Variants in CNIH3 observed in about 807,000 individuals in gnomAD.
The protein encoded by CNIH3 is cornichon family AMPA receptor auxiliary protein 3, also known as protein cornichon homolog 3.
In CNIH3, 14 loss-of-function variants were observed where a neutral mutation model predicts 24.1. The ratio of observed to expected loss-of-function variants is 0.58; its 90% CI spans 0.38 to 0.91. The LOEUF (loss-of-function observed/expected upper bound fraction) is 0.91. Among genes scored for constraint, CNIH3 ranks in the 40% least tolerant of loss-of-function variants. The pLI, the probability that CNIH3 is intolerant of heterozygous loss-of-function variation, is 0.00. For missense variants in CNIH3, 178 were observed against 196.8 expected, an observed-to-expected ratio of 0.90 and a Z score of 0.57; for synonymous variants, 68 against 73.8, an observed-to-expected ratio of 0.92 and a Z score of 0.40.
chr1:224,568,941 C>T (rs916670686), intron 4 of CNIH3, among the ~76,000 whole-genome samples: 28 of 152,050 alleles, frequency 1.8e-4, no homozygotes, highest in African/African-American at 4.1e-4. Flanking sequence ...GGAGCGATCT[C>T]GGCTCACTGC....
At chr1:224,545,524 G>A (rs915952862) in intron 2 of CNIH3, among the ~76,000 whole-genome samples, 1 of 152,198 alleles carries the variant, frequency 6.6e-6, no homozygotes, top group Non-Finnish European at 1.5e-5. Context: ...GAACATGCAA[G>A]TCTGTGTGTC....
intron 1 of CNIH3, among the ~76,000 whole-genome samples, chr1:224,489,711 T>G (rs1677168041): frequency 6.6e-6 from 1 of 152,206 alleles, no homozygotes; most frequent in Non-Finnish European, 1.5e-5. Context: ...TGGGCTGCTG[T>G]AACAAAACAC....
intron 1 of CNIH3, among the ~76,000 whole-genome samples, chr1:224,455,085 C>G (rs1438676611): frequency 6.6e-6 from 1 of 152,156 alleles, no homozygotes; most frequent in African/African-American, 2.4e-5. Context: ...CTTAAACGTG[C>G]TCAGAACACT....
At chr1:224,550,376 A>G (rs7541415) in intron 3 of CNIH3, among the ~76,000 whole-genome samples, 39,885 of 152,158 alleles carry the variant, frequency 0.26, 6,276 homozygotes, top group African/African-American at 0.44. Context: ...TATTATAGAA[A>G]TATCAGAGCG....
intron 3 of CNIH3, 190 bp from the exon 4 acceptor site, chr1:224,730,272 G>A (rs1333614319): frequency 5.4e-6 from 3 of 557,640 alleles, no homozygotes; most frequent in Non-Finnish European, 9.6e-6. Flanking sequence ...AATAAAAAGA[G>A]GAGTGCCATA....
At chr1:224,633,711 C>G (rs953839455) in intron 1 of CNIH3, among the ~76,000 whole-genome samples, 3 of 152,104 alleles carry the variant, frequency 2.0e-5, no homozygotes, top group Non-Finnish European at 2.9e-5. Context: ...TTTAATCTCT[C>G]CAGTGGAAGG....
Position 224,616,691 on chromosome 1 carries a change from A to C in CNIH3, c.-484A>C. On this transcript the variant is annotated 5_prime_UTR_variant, in exon 1 of 6. Coordinates refer to ENST00000272133, the MANE Select transcript of CNIH3 (RefSeq NM_152495.2). ...CCGCTCGGGCACCTCGCTGGACACTATCCGTTTGCGCCCCGGTGGCGCGGG... is the reference window on the plus strand; with the variant it reads ...CCGCTCGGGCACCTCGCTGGACACTCTCCGTTTGCGCCCCGGTGGCGCGGG... 2 of 991,620 alleles carry C rather than the reference A, an allele frequency of 2.0e-6. No homozygotes were observed. Among genetic ancestry groups the C allele is most frequent in the Non-Finnish European group, 2.4e-6 (2 of 834,252 alleles). The allele number at this position is 991,620 out of a possible 1,614,324, so 61.4% of individuals were successfully genotyped here.
At chr1:224,549,974 T>C (rs1469244623) in intron 3 of CNIH3, among the ~76,000 whole-genome samples, 1 of 152,148 alleles carries the variant, frequency 6.6e-6, no homozygotes, top group Non-Finnish European at 1.5e-5. Context: ...AATATAAAAA[T>C]ATCAGAGCGA....
At chr1:224,462,436 C>T (rs973479953) in intron 1 of CNIH3, among the ~76,000 whole-genome samples, 2 of 152,232 alleles carry the variant, frequency 1.3e-5, no homozygotes, top group Admixed American at 6.5e-5. Flanking sequence ...CATGCTCAAG[C>T]GACTCTCCTG....
intron 3 of CNIH3, among the ~76,000 whole-genome samples, chr1:224,700,488 T>C (rs1224280113): frequency 2.0e-5 from 3 of 152,226 alleles, no homozygotes; most frequent in Non-Finnish European, 4.4e-5. Context: ...TTGAATTCTG[T>C]TCTTTGGTGA....
At chr1:224,480,630 C>T (rs1423142023) in intron 1 of CNIH3, among the ~76,000 whole-genome samples, 3 of 152,160 alleles carry the variant, frequency 2.0e-5, no homozygotes, top group Non-Finnish European at 4.4e-5. Context: ...CTCTCAAATT[C>T]AAAGTTCCAA....
intron 1 of CNIH3, among the ~76,000 whole-genome samples, chr1:224,520,423 C>G (rs563034667): frequency 6.6e-6 from 1 of 152,350 alleles, no homozygotes; most frequent in South Asian, 2.1e-4. Flanking sequence ...CAGGCTCATC[C>G]TCAACATTTG....
intron 1 of CNIH3, among the ~76,000 whole-genome samples, chr1:224,658,920 C>T (rs1232166629): frequency 2.0e-5 from 3 of 152,228 alleles, no homozygotes; most frequent in African/African-American, 7.2e-5. Flanking sequence ...ATAAACCTTT[C>T]ATAACCTTTT....
intron 1 of CNIH3, among the ~76,000 whole-genome samples, chr1:224,457,264 CCTCTCTCT>C (rs71755086): frequency 1.2e-4 from 13 of 108,666 alleles, no homozygotes; most frequent in Admixed American, 2.8e-4. Flanking sequence ...GCTGAGCCCT[CCTCTCTCT>C]CTCTGTGTGT....
At chr1:224,671,181 G>C (rs897237910) in intron 1 of CNIH3, among the ~76,000 whole-genome samples, 1 of 152,038 alleles carries the variant, frequency 6.6e-6, no homozygotes, top group Admixed American at 6.5e-5. Flanking sequence ...ATTTTTCTGT[G>C]CATATATCTA....
intron 2 of CNIH3, among the ~76,000 whole-genome samples, chr1:224,532,062 A>G (rs757488194): frequency 6.6e-5 from 10 of 152,300 alleles, no homozygotes; most frequent in South Asian, 2.1e-4. Flanking sequence ...TAACAGATCT[A>G]TAGTAATAAA....
At chr1:224,509,476 C>G (rs1355726883) in intron 1 of CNIH3, among the ~76,000 whole-genome samples, 2 of 152,204 alleles carry the variant, frequency 1.3e-5, no homozygotes, top group African/African-American at 2.4e-5. Context: ...ATAATCTACC[C>G]TCACCAGAGA....
intron 3 of CNIH3, among the ~76,000 whole-genome samples, chr1:224,720,434 G>A (rs528248229): frequency 1.3e-5 from 2 of 152,248 alleles, no homozygotes; most frequent in African/African-American, 2.4e-5. Context: ...CCTGGGAAAC[G>A]TGGCTGTAGC....
At chr1:224,694,214 T>C (rs1687061081) in intron 3 of CNIH3, among the ~76,000 whole-genome samples, 1 of 152,216 alleles carries the variant, frequency 6.6e-6, no homozygotes, top group African/African-American at 2.4e-5. Context: ...CACAAGTTGC[T>C]ATGTCCTGGC....
Sources: allele counts gnomAD v4.1 joint callset (sites outside exome capture counted in the v4.1 genomes callset), GRCh38; gene constraint gnomAD v4.1.1; transcripts MANE v1.5; gene names NCBI Gene and HGNC (gene_info 2026-07-23, HGNC 2026-07-21).